The following DMBT1 variants were observed in gnomAD, a reference collection of about 807,000 sequenced individuals.
DMBT1 encodes deleted in malignant brain tumors 1.
In DMBT1, 198 loss-of-function variants were observed where a neutral mutation model predicts 252.9. That is an observed-to-expected ratio of 0.78 (90% CI 0.70 to 0.88). The LOEUF (loss-of-function observed/expected upper bound fraction) is 0.88, where lower values mean the gene tolerates loss of function less well. Among genes scored for constraint, DMBT1 ranks in the 40% least tolerant of loss-of-function variants. DMBT1 has a pLI of 0.00. For missense variants in DMBT1, 2,432 were observed against 2,404.7 expected (o/e 1.01, Z -0.24); for synonymous variants, 990 against 942.7 (o/e 1.05, Z -0.92).
intron 55 of DMBT1, among the ~76,000 whole-genome samples, chr10:122,641,412 A>G (rs984163596): frequency 1.3e-5 from 2 of 152,232 alleles, no homozygotes; most frequent in African/African-American, 4.8e-5. Context: ...AAAGAGTTCT[A>G]CTAGGAATTA....
Position 122,572,500 on chromosome 10 carries a change from T to C in DMBT1, c.235+139T>C. ...TGCTCAGGTAGTGTGGATATCACCT[T>C]GTGCTGTGTATGTGCAACTCTGAGT... On this transcript the variant is annotated intron_variant, in intron 5 of 55. Transcript: ENST00000338354. 7.4e-6 allele frequency: 9 copies of C among 1,217,904 alleles called. 1 individual carries two copies. The Middle Eastern group carries it at 1.8e-3, about 240-fold the overall frequency. 75.4% of individuals were successfully genotyped at this position (1,217,904 alleles called of 1,614,324 possible). A position where few individuals can be genotyped will look rare whatever the true frequency, so the allele number is the denominator to read the frequency against.
At chr10:122,579,020 C>T (rs2097739372) in intron 9 of DMBT1, among the ~76,000 whole-genome samples, 1 of 151,992 alleles carries the variant, frequency 6.6e-6, no homozygotes, top group Non-Finnish European at 1.5e-5. Flanking sequence ...TTTCATGTTT[C>T]TGTGGGTTGG....
chr10:122,631,982 T>A (rs2133675460), intron 50 of DMBT1, 107 bp downstream of exon 50: 1 of 1,307,144 alleles, frequency 7.7e-7, no homozygotes, highest in Non-Finnish European at 1.1e-6. Context: ...AGTTCATCTG[T>A]GGTACCATCC....
In DMBT1 at chr10:122,576,598, A is replaced by G. The variant is rs1054727558; in HGVS notation, c.483A>G (p.Ser161=). The G allele has an allele frequency of 1.2e-6, 2 of 1,613,888 alleles. No homozygotes were observed. Among genetic ancestry groups the G allele is most frequent in the Non-Finnish European group, 1.7e-6 (2 of 1,179,802 alleles). The change falls in exon 7 of 56, where the codon TCA becomes TCG. Residue 161 remains serine, a synonymous_variant. Coordinates refer to ENST00000338354, the MANE Select transcript of DMBT1 (RefSeq NM_001377530.1). ...APGNAWFGQG[S]GPIALDDVRC... is the part of the protein sequence containing the mutation. ...GAAATGCCTGGTTTGGCCAGGGCTCAGGACCCATTGCCCTGGATGATGTGC... is the reference window on the plus strand; with the variant it reads ...GAAATGCCTGGTTTGGCCAGGGCTCGGGACCCATTGCCCTGGATGATGTGC...
rs774053844 is a variant in DMBT1, at chr10:122,599,072, T to C, written c.3255T>C (p.Ser1085=). ...GGCTCTCCCACAACTGTGGCCATAG[T>C]GAAGACGCTGGTGTCATCTGCTCAG... ...NGWLSHNCGH[S]EDAGVICSAS... is the part of the protein sequence containing the mutation. The change falls in exon 26 of 56, where the codon AGT becomes AGC. Residue 1085 remains serine (S), a synonymous_variant. Coordinates refer to ENST00000338354, the MANE Select transcript of DMBT1 (RefSeq NM_001377530.1). 10 of 1,613,868 alleles carry C rather than the reference T, an allele frequency of 6.2e-6. No individual in the cohort carries two copies. The highest frequency in any genetic ancestry group is 1.7e-5 in the Admixed American group (1 of 60,022).
intron 43 of DMBT1, 89 bp from the exon 44 acceptor site, chr10:122,620,968 C>G: frequency 6.3e-6 from 10 of 1,580,882 alleles, no homozygotes; most frequent in Non-Finnish European, 7.7e-6. Flanking sequence ...GTGACTTTGG[C>G]CATTAGGAAG....
At chr10:122,567,654 C>T (rs373398322) in intron 2 of DMBT1, among the ~76,000 whole-genome samples, 1 of 152,142 alleles carries the variant, frequency 6.6e-6, no homozygotes, top group Non-Finnish European at 1.5e-5. Context: ...AGGACCTGTA[C>T]CTATTTTCCT....
intron 27 of DMBT1, among the ~76,000 whole-genome samples, chr10:122,600,431 TGA>T (rs773839766): frequency 5.3e-5 from 8 of 152,338 alleles, no homozygotes; most frequent in Non-Finnish European, 1.0e-4. Flanking sequence ...CTGAAAATTG[TGA>T]GTGTCACCCT....
Position 122,621,383 on chromosome 10 carries a change from G to A in DMBT1, c.5608+3G>A. 6.2e-7 allele frequency: 1 copy of A among 1,613,820 alleles called. No homozygotes were observed. The highest frequency in any genetic ancestry group is 8.5e-7 in the Non-Finnish European group (1 of 1,179,736). ...AGACGCTGGTGTCATCTGCTCAGGTGGGCCTTCAAGACCTGGGGCTCCCTC... is the reference window on the plus strand; with the variant it reads ...AGACGCTGGTGTCATCTGCTCAGGTAGGCCTTCAAGACCTGGGGCTCCCTC... On this transcript the variant is annotated splice_donor_region_variant and intron_variant, in intron 44 of 55. Transcript: ENST00000338354.
chr10:122,617,980 G>T (rs560101751), intron 40 of DMBT1, 37 bp from the exon 41 acceptor site: 2 of 1,596,784 alleles, frequency 1.3e-6, no homozygotes, highest in South Asian at 2.3e-5. Context: ...TGACCTCCTG[G>T]TGGGGATGGA....
At position 122,576,490 on chromosome 10, in the gene DMBT1, C is replaced by A. The variant is rs531018583; in HGVS notation, c.375C>A (p.Thr125=). The part of the protein sequence containing the change: ...VEILYRGSWG[T]VCDDSWDTND... The stretch of plus-strand genomic sequence containing the variant: ...TCCTATACCGAGGCTCCTGGGGCAC[C>A]GTGTGTGATGACAGCTGGGACACCA... The change falls in exon 7 of 56, where the codon ACC becomes ACA. Residue 125 remains threonine (T), a synonymous_variant. Coordinates refer to ENST00000338354, the MANE Select transcript of DMBT1 (RefSeq NM_001377530.1). 1.2e-6 allele frequency: 2 copies of A among 1,613,952 alleles called. No homozygotes were observed. Among genetic ancestry groups the A allele is most frequent in the South Asian group, 1.1e-5 (1 of 91,072 alleles).
chr10:122,562,534 G>A lies in DMBT1; in HGVS notation c.61+1703G>A, dbSNP rs111882747. On this transcript the variant is annotated intron_variant, in intron 1 of 55. Coordinates refer to ENST00000338354, the MANE Select transcript of DMBT1 (RefSeq NM_001377530.1). The stretch of plus-strand genomic sequence containing the variant: ...GAAGCATCTGAAACTGGGAGGCTGC[G>A]TCCTCAGCCCCAGCTCTTGTCAGTA... Among the ~76,000 whole-genome samples the A allele has an allele frequency of 1.4e-4, 22 of 152,312 alleles. 1 individual carries two copies. The highest frequency in any genetic ancestry group is 4.1e-4 in the African/African-American group (17 of 41,566).
At chr10:122,566,311 TC>T (rs2097591336) in intron 2 of DMBT1, among the ~76,000 whole-genome samples, 2 of 88,000 alleles carry the variant, frequency 2.3e-5, no homozygotes, top group African/African-American at 3.6e-5. Context: ...TCTTTTTTTT[TC>T]TTTTTCTTTT....
At chr10:122,591,361 T>C in intron 18 of DMBT1, 118 bp from the exon 19 acceptor site, 2 of 1,189,472 alleles carry the variant, frequency 1.7e-6, no homozygotes, top group Non-Finnish European at 1.2e-6. Flanking sequence ...GGGGAGCAAG[T>C]GGCAGGAACT....
chr10:122,630,302 A>G lies in DMBT1; in HGVS notation c.5837A>G (p.His1946Arg), dbSNP rs199684893. 31 of 1,613,848 alleles carry G rather than the reference A, an allele frequency of 1.9e-5. No homozygotes were observed. In the East Asian group the frequency reaches 3.3e-4, roughly 17 times the overall value. The change falls in exon 48 of 56, where the codon CAT becomes CGT. Residue 1946 changes from histidine (H) to arginine (R), a missense_variant. By Grantham distance (29) the His-to-Arg change is conservative (BLOSUM62 0). Coordinates refer to ENST00000338354, the MANE Select transcript of DMBT1 (RefSeq NM_001377530.1). Reference sequence around the variant, plus strand: ...TCTCCATACAGATTGGAGGCACACCATAACTGCAGTTTTGATTATGTTGAA... The same window carrying G: ...TCTCCATACAGATTGGAGGCACACCGTAACTGCAGTTTTGATTATGTTGAA... The part of the protein sequence containing the change: ...GFSNLKLEAH[H>R]NCSFDYVEIF...
At chr10:122,631,334 A>C (rs983073080) in intron 49 of DMBT1, 53 bp downstream of exon 49, 4 of 1,590,992 alleles carry the variant, frequency 2.5e-6, no homozygotes, top group Non-Finnish European at 3.4e-6. Flanking sequence ...GCTATAAAGC[A>C]AGAGCTTAAG....
At chr10:122,635,321 T>C (rs2098217684) in intron 52 of DMBT1, among the ~76,000 whole-genome samples, 1 of 152,200 alleles carries the variant, frequency 6.6e-6, no homozygotes, top group Non-Finnish European at 1.5e-5. Flanking sequence ...AATTCATGCA[T>C]ATTGATTTTA....
intron 2 of DMBT1, among the ~76,000 whole-genome samples, chr10:122,568,384 C>T (rs1473898831): frequency 6.6e-6 from 1 of 151,994 alleles, no homozygotes; most frequent in East Asian, 1.9e-4. Context: ...GGAAAGTTCT[C>T]AGAGTACATG....
intron 43 of DMBT1, among the ~76,000 whole-genome samples, chr10:122,620,653 C>T (rs1370289208): frequency 1.3e-5 from 2 of 152,212 alleles, no homozygotes; most frequent in Admixed American, 1.3e-4. Flanking sequence ...GCTGTCTGGC[C>T]AATGTCCTAC....
Sources: allele counts gnomAD v4.1 joint callset (sites outside exome capture counted in the v4.1 genomes callset), GRCh38; gene constraint gnomAD v4.1.1; transcripts MANE v1.5; gene names NCBI Gene and HGNC (gene_info 2026-07-23, HGNC 2026-07-21).